Variants in CDC42SE2 observed in about 807,000 individuals in gnomAD.
The protein encoded by CDC42SE2 is CDC42 small effector 2, also known as CDC42 small effector protein 2.
Under a neutral mutation model 11.5 loss-of-function variants are expected in CDC42SE2, and 3 were observed. That is an observed-to-expected ratio of 0.26 (90% confidence interval 0.12 to 0.67). The LOEUF is 0.67. CDC42SE2 is among the 30% of genes least tolerant of loss of function. The probability of loss-of-function intolerance (pLI) is 0.80; values close to 1 mark genes in which losing one functional copy is unlikely to be tolerated. For missense variants in CDC42SE2, 82 were observed against 106.8 expected, an observed-to-expected ratio of 0.77 and a Z score of 1.02; for synonymous variants, 33 against 34.8, an observed-to-expected ratio of 0.95 and a Z score of 0.18.
At position 131,391,964 on chromosome 5, in the gene CDC42SE2, A is replaced by G. The variant is rs1216988098; in HGVS notation, c.*873A>G. ...ACCCTGTCGTGATTATTCCAGTGAGATGTTACTGTTCTGCTCTGAAGAAGA... is the reference window on the plus strand; with the variant it reads ...ACCCTGTCGTGATTATTCCAGTGAGGTGTTACTGTTCTGCTCTGAAGAAGA... On this transcript the variant is annotated 3_prime_UTR_variant, in exon 5 of 5. Coordinates refer to ENST00000505065, the MANE Select transcript of CDC42SE2 (RefSeq NM_001375635.1). 1 of 152,188 alleles carries G rather than the reference A, an allele frequency of 6.6e-6. No homozygotes were observed. Among genetic ancestry groups the G allele is most frequent in the Non-Finnish European group, 1.5e-5 (1 of 68,032 alleles). 9.4% of individuals were successfully genotyped at this position (152,188 alleles called of 1,614,324 possible). A position where few individuals can be genotyped will look rare whatever the true frequency, so the allele number is the denominator to read the frequency against.
intron 2 of CDC42SE2, among the ~76,000 whole-genome samples, chr5:131,318,763 T>C (rs1165053026): frequency 1.3e-5 from 2 of 152,232 alleles, no homozygotes; most frequent in Non-Finnish European, 2.9e-5. Flanking sequence ...GTGAAAACTT[T>C]CTAGCTGATA....
chr5:131,229,488 C>T, the CDC42SE2 span, among the ~76,000 whole-genome samples: 2 of 152,044 alleles, frequency 1.3e-5, no homozygotes, highest in Non-Finnish European at 2.9e-5. Flanking sequence ...CTCTTGGGCT[C>T]AAGCAATTCT....
rs1341302972 is a variant in CDC42SE2, at chr5:131,391,662, A to T, written c.*571A>T. 6.6e-6 allele frequency: 1 copy of T among 152,262 alleles called. No homozygotes were observed. Among genetic ancestry groups the T allele is most frequent in the Non-Finnish European group, 1.5e-5 (1 of 68,068 alleles). 9.4% of individuals were successfully genotyped at this position (152,262 alleles called of 1,614,324 possible). ...GCTCCAGCCTGGGTGACAGAGCAAG[A>T]CCCTGTCTCAAAAAAGTACTGATAC... On this transcript the variant is annotated 3_prime_UTR_variant, in exon 5 of 5. Coordinates refer to ENST00000505065, the MANE Select transcript of CDC42SE2 (RefSeq NM_001375635.1).
chr5:131,320,338 G>A (rs1294003204), intron 2 of CDC42SE2, among the ~76,000 whole-genome samples: 1 of 151,808 alleles, frequency 6.6e-6, no homozygotes, highest in East Asian at 1.9e-4. Context: ...GTTGCATTGA[G>A]CTGAGATTGT....
chr5:131,217,643 C>A, the CDC42SE2 span, among the ~76,000 whole-genome samples: 1 of 152,080 alleles, frequency 6.6e-6, no homozygotes, highest in Non-Finnish European at 1.5e-5. Context: ...GGGAAAATAT[C>A]TTCATGACTT....
At chr5:131,303,655 A>G (rs1282508012) in intron 1 of CDC42SE2, among the ~76,000 whole-genome samples, 1 of 152,224 alleles carries the variant, frequency 6.6e-6, no homozygotes, top group African/African-American at 2.4e-5. Flanking sequence ...CTGACCTCTG[A>G]TAACAGATAC....
intron 3 of CDC42SE2, among the ~76,000 whole-genome samples, chr5:131,373,088 GTTCTC>G (rs1329056652): frequency 3.9e-5 from 6 of 152,060 alleles, no homozygotes; most frequent in Non-Finnish European, 8.8e-5. Context: ...GCAATATTTT[GTTCTC>G]ATTTGATTTG....
chr5:131,328,998 C>G (rs1411113719), intron 2 of CDC42SE2, among the ~76,000 whole-genome samples: 2 of 152,190 alleles, frequency 1.3e-5, no homozygotes, highest in African/African-American at 2.4e-5. Context: ...CCTGTAGCTC[C>G]CCTGCCCCTT....
chr5:131,391,099 C>CCTTT lies in CDC42SE2; in HGVS notation c.*11_*14dup. ...GATACGAAGGCGGGATAGCCCTGGT[C>CCTTT]CTTTCTCCAGTGAGTACTCAGAGCT... is the stretch of plus-strand genomic sequence containing the variant. On this transcript the variant is annotated 3_prime_UTR_variant, in exon 5 of 5. Coordinates refer to ENST00000505065, the MANE Select transcript of CDC42SE2 (RefSeq NM_001375635.1). 6.2e-7 allele frequency: 1 copy of CCTTT among 1,607,906 alleles called. No homozygotes were observed. Among genetic ancestry groups the CCTTT allele is most frequent in the South Asian group, 1.1e-5 (1 of 90,964 alleles).
At chr5:131,265,810 A>G (rs944584431) in intron 1 of CDC42SE2, among the ~76,000 whole-genome samples, 7 of 152,186 alleles carry the variant, frequency 4.6e-5, no homozygotes, top group Admixed American at 1.3e-4. Context: ...TTAATAAGCT[A>G]GTGTTTTTAT....
At chr5:131,233,459 C>G in the CDC42SE2 span, among the ~76,000 whole-genome samples, 6 of 152,184 alleles carry the variant, frequency 3.9e-5, no homozygotes, top group Admixed American at 6.5e-5. Context: ...CCTCCGCCTC[C>G]TGGGTTCAAG....
At chr5:131,386,122 T>C (rs975048604) in intron 4 of CDC42SE2, among the ~76,000 whole-genome samples, 2 of 152,258 alleles carry the variant, frequency 1.3e-5, no homozygotes, top group African/African-American at 2.4e-5. Flanking sequence ...GAAGACAGTT[T>C]TTCCATGGGG....
At chr5:131,337,902 AC>A (rs1317299261) in intron 2 of CDC42SE2, among the ~76,000 whole-genome samples, 1 of 151,842 alleles carries the variant, frequency 6.6e-6, no homozygotes, top group African/African-American at 2.4e-5. Flanking sequence ...GAATTCCCTG[AC>A]CCCTTGCACT....
chr5:131,284,012 C>T (rs73262399), intron 1 of CDC42SE2, among the ~76,000 whole-genome samples: 1,743 of 152,194 alleles, frequency 0.011, 38 homozygotes, highest in African/African-American at 0.037. Context: ...TGTATGGTAA[C>T]TCTGTGTTTA....
At chr5:131,237,588 ATT>A in the CDC42SE2 span, among the ~76,000 whole-genome samples, 14 of 151,650 alleles carry the variant, frequency 9.2e-5, no homozygotes, top group Admixed American at 5.9e-4. Flanking sequence ...TTTTATTTTT[ATT>A]TATCTTTGAG....
intron 3 of CDC42SE2, among the ~76,000 whole-genome samples, chr5:131,362,141 CCT>C: frequency 6.6e-6 from 1 of 152,088 alleles, no homozygotes; most frequent in South Asian, 2.1e-4. Flanking sequence ...CCAGCACTTC[CCT>C]GTTCCCACTC....
upstream of CDC42SE2, among the ~76,000 whole-genome samples, chr5:131,259,409 G>A (rs1756705174): frequency 6.6e-6 from 1 of 151,130 alleles, no homozygotes; most frequent in South Asian, 2.1e-4. Flanking sequence ...ATATAACATT[G>A]GTCAAGTGGA....
chr5:131,393,438 C>A lies in CDC42SE2; in HGVS notation c.*2347C>A, dbSNP rs138412867. 6.6e-6 allele frequency: 1 copy of A among 152,368 alleles called. No individual in the cohort carries two copies. Among genetic ancestry groups the A allele is most frequent in the Non-Finnish European group, 1.5e-5 (1 of 68,056 alleles). 9.4% of individuals were successfully genotyped at this position (152,368 alleles called of 1,614,324 possible). On this transcript the variant is annotated 3_prime_UTR_variant, in exon 5 of 5. Transcript: ENST00000505065. ...ACAGAGAGGATCTGCCAAGGAAAAA[C>A]ATTTGCATCTTCGGAGTAGACATTT...
chr5:131,302,251 C>T (rs1757699418), intron 1 of CDC42SE2, among the ~76,000 whole-genome samples: 1 of 152,050 alleles, frequency 6.6e-6, no homozygotes, highest in African/African-American at 2.4e-5. Flanking sequence ...GCGATGTCAG[C>T]TCACTGCAAC....
Sources: allele counts gnomAD v4.1 joint callset (sites outside exome capture counted in the v4.1 genomes callset), GRCh38; gene constraint gnomAD v4.1.1; transcripts MANE v1.5; gene names NCBI Gene and HGNC (gene_info 2026-07-23, HGNC 2026-07-21).